The following GMCL1 variants were observed in gnomAD, a reference collection of about 807,000 sequenced individuals.
GMCL1 encodes germ cell-less 1, spermatogenesis associated.
In GMCL1, 54 loss-of-function variants were observed where a neutral mutation model predicts 75.5. The ratio of observed to expected loss-of-function variants is 0.71; its 90% CI spans 0.57 to 0.90. GMCL1 has a LOEUF of 0.90. Among genes scored for constraint, GMCL1 ranks in the 40% least tolerant of loss-of-function variants. The pLI is 0.00. For missense variants in GMCL1, 537 were observed against 622.7 expected, an observed-to-expected ratio of 0.86 and a Z score of 1.47; for synonymous variants, 210 against 209.6, an observed-to-expected ratio of 1.00 and a Z score of -0.02.
intron 1 of GMCL1, among the ~76,000 whole-genome samples, chr2:69,836,336 A>G (rs1674816101): frequency 6.6e-6 from 1 of 151,704 alleles, no homozygotes; most frequent in Admixed American, 6.6e-5. Context: ...CCTTTTTTGT[A>G]CTCTTAATCT....
chr2:69,862,048 A>G (rs1298886307), intron 10 of GMCL1, among the ~76,000 whole-genome samples: 6 of 152,192 alleles, frequency 3.9e-5, no homozygotes, highest in African/African-American at 1.4e-4. Flanking sequence ...CCATCTGGTT[A>G]CAGATACCTT....
At chr2:69,858,495 TGTTTCTTCCTTTTTGG>T (rs1675545731) in intron 9 of GMCL1, among the ~76,000 whole-genome samples, 1 of 152,246 alleles carries the variant, frequency 6.6e-6, no homozygotes, top group Non-Finnish European at 1.5e-5. Context: ...CTCTTCCTAG[TGTTTCTTCCTTTTTGG>T]AGATGATTGC....
At position 69,840,971 on chromosome 2, in the gene GMCL1, C is replaced by G. The variant is rs961012636; in HGVS notation, c.511C>G (p.Arg171Gly). The change falls in exon 4 of 14, where the codon CGA (arginine) becomes GGA (glycine). Residue 171 changes from arginine (R) to glycine (G), a missense_variant. Around this residue, in one of 3 missense-constraint regions of GMCL1, gnomAD observed 345 missense variants for 410.5 expected, o/e 0.84. Coordinates refer to ENST00000282570, the MANE Select transcript of GMCL1 (RefSeq NM_178439.5). ...ALQVAFGSLY[R>G]DDVLIKPSRV... ...GCAGGTTGCATTTGGTTCACTGTATCGAGATGATGTCTTGATAAAGCCCAG... is the reference window on the plus strand; with the variant it reads ...GCAGGTTGCATTTGGTTCACTGTATGGAGATGATGTCTTGATAAAGCCCAG... 14 of 1,613,732 alleles carry G rather than the reference C, an allele frequency of 8.7e-6. No homozygotes were observed. In the Admixed American group the frequency reaches 1.2e-4, roughly 13 times the overall value.
In GMCL1 at chr2:69,880,953, A is replaced by G. The variant is rs985675893; in HGVS notation, c.*1949A>G. On this transcript the variant is annotated 3_prime_UTR_variant, in exon 14 of 14. Coordinates refer to ENST00000282570, the MANE Select transcript of GMCL1 (RefSeq NM_178439.5). ...TGTTTTCTTTCCGTCTCATTACTGT[A>G]TAAGAGTTTCCTTACCCTTTATGTA... 6 of 151,894 alleles carry G rather than the reference A, an allele frequency of 4.0e-5. No individual in the cohort carries two copies. Among genetic ancestry groups the G allele is most frequent in the African/African-American group, 1.2e-4 (5 of 41,324 alleles). The allele number at this position is 151,894 out of a possible 1,614,324, so 9.4% of individuals were successfully genotyped here.
chr2:69,862,260 T>C (rs1675676116), intron 10 of GMCL1, among the ~76,000 whole-genome samples: 1 of 152,136 alleles, frequency 6.6e-6, no homozygotes, highest in Non-Finnish European at 1.5e-5. Flanking sequence ...CCTGATCTCT[T>C]TGAACTCATT....
At chr2:69,851,085 C>G (rs971564893) in intron 8 of GMCL1, among the ~76,000 whole-genome samples, 111 of 152,086 alleles carry the variant, frequency 7.3e-4, no homozygotes, top group African/African-American at 2.6e-3. Flanking sequence ...ATAACTAATC[C>G]TTTGTCATAC....
chr2:69,854,719 T>C, intron 8 of GMCL1, 104 bp from the exon 9 acceptor site: 1 of 849,104 alleles, frequency 1.2e-6, no homozygotes, highest in Non-Finnish European at 1.8e-6. Flanking sequence ...CTAGCTTATT[T>C]TGTATTCTAA....
intron 7 of GMCL1, 103 bp from the exon 8 acceptor site, chr2:69,849,549 T>A: frequency 1.5e-6 from 1 of 677,874 alleles, no homozygotes; most frequent in South Asian, 2.5e-5. Context: ...AGAAGTTAAA[T>A]TTTTTAGCTA....
intron 13 of GMCL1, among the ~76,000 whole-genome samples, chr2:69,874,596 T>G (rs1558553560): frequency 6.6e-6 from 1 of 152,112 alleles, no homozygotes; most frequent in Non-Finnish European, 1.5e-5. Context: ...GTTGGGTTTT[T>G]TTATGCTTAT....
rs763867448 is a variant in GMCL1, at chr2:69,830,132, GCTC to G, written c.244_246del (p.Leu82del). The G allele has an allele frequency of 1.3e-6, 2 of 1,571,442 alleles. No homozygotes were observed. The highest frequency in any genetic ancestry group is 2.3e-5 in the South Asian group (2 of 85,656). The stretch of plus-strand genomic sequence containing the variant: ...AGGAGGAGGGGGACGAGCAGCAGCG[GCTC>G]CTCAACACCCCTCGAAGGTACGTGG... On this transcript the variant is annotated inframe_deletion, in exon 1 of 14. Transcript: ENST00000282570.
chr2:69,866,164 C>T (rs1675811650), intron 11 of GMCL1, among the ~76,000 whole-genome samples: 1 of 151,434 alleles, frequency 6.6e-6, no homozygotes, highest in Non-Finnish European at 1.5e-5. Flanking sequence ...CAGGAGATTG[C>T]TTGAACTCGT....
At chr2:69,844,811 G>A in intron 6 of GMCL1, 1 of 344,878 alleles carries the variant, frequency 2.9e-6, no homozygotes, top group Non-Finnish European at 6.2e-6. Context: ...AGTGAGACAA[G>A]TTACCATGGT....
intron 6 of GMCL1, chr2:69,844,905 T>TC: frequency 3.4e-6 from 1 of 291,464 alleles, no homozygotes; most frequent in South Asian, 2.9e-5. Context: ...TGTGGCCATG[T>TC]CCCTGAATGT....
intron 7 of GMCL1, 90 bp from the exon 8 acceptor site, chr2:69,849,557 CTATTA>C (rs1675250548): frequency 2.8e-6 from 2 of 713,632 alleles, no homozygotes; most frequent in Middle Eastern, 3.8e-4. Flanking sequence ...AATTTTTTAG[CTATTA>C]TATTTTAAGG....
At chr2:69,853,765 GA>G (rs35952158) in intron 8 of GMCL1, among the ~76,000 whole-genome samples, 35,065 of 151,658 alleles carry the variant, frequency 0.23, 4,416 homozygotes, top group East Asian at 0.39. Context: ...CTCCCTAAAA[GA>G]AAAAAAATTA....
In GMCL1 at chr2:69,879,088, C is replaced by G; in HGVS notation, c.*84C>G. ...GCACTTTGAAAACTTTTTAGGCCAG[C>G]TTTAATTTAATGGCCCTACTGATAT... On this transcript the variant is annotated 3_prime_UTR_variant, in exon 14 of 14. Transcript: ENST00000282570. 1 of 812,876 alleles carries G rather than the reference C, an allele frequency of 1.2e-6. No individual in the cohort carries two copies. Among genetic ancestry groups the G allele is most frequent in the Non-Finnish European group, 2.1e-6 (1 of 483,202 alleles). 50.4% of individuals were successfully genotyped at this position (812,876 alleles called of 1,614,324 possible). A position where few individuals can be genotyped will look rare whatever the true frequency, so the allele number is the denominator to read the frequency against.
chr2:69,858,837 T>C (rs1489555037), intron 9 of GMCL1, among the ~76,000 whole-genome samples: 6 of 152,202 alleles, frequency 3.9e-5, no homozygotes, highest in Admixed American at 3.9e-4. Flanking sequence ...ATGCAAAAAT[T>C]GTTGGAATTT....
chr2:69,871,687 T>A (rs1675984143), intron 12 of GMCL1, 58 bp from the exon 13 acceptor site: 1 of 876,644 alleles, frequency 1.1e-6, no homozygotes, highest in African/African-American at 1.8e-5. Context: ...AGGAAGAGCT[T>A]GTTTAATCTG....
intron 13 of GMCL1, among the ~76,000 whole-genome samples, chr2:69,877,281 A>G (rs1676153138): frequency 6.6e-6 from 1 of 152,192 alleles, no homozygotes; most frequent in Non-Finnish European, 1.5e-5. Flanking sequence ...AATACAATTT[A>G]ATATTCAAAA....
Sources: gnomAD v4.1 joint callset for allele counts (sites outside exome capture counted in the v4.1 genomes callset) on GRCh38, gnomAD v4.1.1 for gene constraint, gnomAD v4.1.1 regional missense constraint, MANE v1.5 for transcripts, NCBI Gene and HGNC (gene_info 2026-07-23, HGNC 2026-07-21) for gene names.